RBBP4: variants seen among roughly 807,000 people sequenced by gnomAD.
RBBP4 encodes the protein histone-binding protein RBBP4.
In RBBP4, 3 loss-of-function variants were observed where a neutral mutation model predicts 57.2. The ratio of observed to expected loss-of-function variants is 0.05; its 90% CI spans 0.02 to 0.14. The LOEUF (loss-of-function observed/expected upper bound fraction) is 0.14. Ranked by LOEUF, RBBP4 falls within the 10% of genes least tolerant of loss-of-function variation. The pLI, the probability that RBBP4 is intolerant of heterozygous loss-of-function variation, is 1.00. For missense variants in RBBP4, 107 were observed against 520.6 expected (o/e 0.21, Z 7.73); for synonymous variants, 151 against 171.5 (o/e 0.88, Z 0.93).
At chr1:32,659,290 G>T (rs1648298531) in intron 3 of RBBP4, among the ~76,000 whole-genome samples, 1 of 151,838 alleles carries the variant, frequency 6.6e-6, no homozygotes, top group African/African-American at 2.4e-5. Flanking sequence ...GCCGGGTGCG[G>T]TGAGTCACTC....
chr1:32,677,352 G>A (rs1649144930), intron 11 of RBBP4, among the ~76,000 whole-genome samples: 2 of 151,954 alleles, frequency 1.3e-5, no homozygotes, highest in South Asian at 4.1e-4. Flanking sequence ...CTGGATTGGT[G>A]AACAACTCGA....
At chr1:32,659,234 A>C (rs1019143497) in intron 3 of RBBP4, among the ~76,000 whole-genome samples, 1 of 151,226 alleles carries the variant, frequency 6.6e-6, no homozygotes, top group African/African-American at 2.4e-5. Context: ...TTTTACACAC[A>C]ATGTAAAAAA....
At chr1:32,651,366 G>C (rs1465630991) in intron 1 of RBBP4, 44 bp downstream of exon 1, 9 of 1,410,756 alleles carry the variant, frequency 6.4e-6, no homozygotes, top group Non-Finnish European at 8.3e-6. Context: ...GGGTGCCTGG[G>C]CTGAGCCGCG....
chr1:32,651,273 C>G lies in RBBP4; in HGVS notation c.-34C>G, dbSNP rs1368289792. The stretch of plus-strand genomic sequence containing the variant: ...GCCTCCCCGCCCCTCCCGCAACGCT[C>G]GACCCCAGGATTCCCCCGGCTCGCC... On this transcript the variant is annotated 5_prime_UTR_variant, in exon 1 of 12. Coordinates refer to ENST00000373493, the MANE Select transcript of RBBP4 (RefSeq NM_005610.3). 4.0e-6 allele frequency: 6 copies of G among 1,504,156 alleles called. No individual in the cohort carries two copies. Among genetic ancestry groups the G allele is most frequent in the South Asian group, 2.5e-5 (2 of 80,582 alleles). The allele number at this position is 1,504,156 out of a possible 1,614,324, so 93.2% of individuals were successfully genotyped here.
intron 3 of RBBP4, among the ~76,000 whole-genome samples, chr1:32,659,005 ATAGTT>A (rs1557852626): frequency 1.3e-4 from 19 of 147,646 alleles, no homozygotes; most frequent in Non-Finnish European, 7.4e-5. Flanking sequence ...TGTGTAAAAT[ATAGTT>A]ATATATAATT....
At chr1:32,677,687 C>T (rs183358157) in intron 11 of RBBP4, among the ~76,000 whole-genome samples, 121 of 104,244 alleles carry the variant, frequency 1.2e-3, no homozygotes, top group Non-Finnish European at 2.0e-3. Context: ...AAGCTAACTT[C>T]AGATAGTGTC....
chr1:32,673,388 A>G (rs1648955041), intron 11 of RBBP4: 2 of 381,242 alleles, frequency 5.2e-6, no homozygotes, highest in Non-Finnish European at 1.0e-5. Flanking sequence ...CTAGATTTCA[A>G]AAATGTTCCC....
chr1:32,651,451 G>A (rs992545348), intron 1 of RBBP4, 129 bp downstream of exon 1: 37 of 1,367,064 alleles, frequency 2.7e-5, no homozygotes, highest in Non-Finnish European at 3.2e-5. Flanking sequence ...GGCGTGAAGA[G>A]GGAACTCCCC....
chr1:32,681,075 C>T lies in RBBP4; in HGVS notation c.*1370C>T, dbSNP rs1251858449. 6.5e-6 allele frequency: 1 copy of T among 152,926 alleles called. No individual in the cohort carries two copies. The highest frequency in any genetic ancestry group is 6.5e-5 in the Admixed American group (1 of 15,300). 9.5% of individuals were successfully genotyped at this position (152,926 alleles called of 1,614,324 possible). On this transcript the variant is annotated 3_prime_UTR_variant, in exon 12 of 12. Transcript: ENST00000373493. ...GTTAGAAATAATAGGCTTTGAAGGC[C>T]TCTATCACCAGATGCAATAACCAGA...
At chr1:32,652,508 GTAT>G (rs1190468563) in intron 2 of RBBP4, 12 of 160,814 alleles carry the variant, frequency 7.5e-5, no homozygotes, top group African/African-American at 2.9e-4. Context: ...AAAGAAAAAA[GTAT>G]TACAATGAGT....
chr1:32,676,386 C>T (rs1434294117), intron 11 of RBBP4, among the ~76,000 whole-genome samples: 1 of 152,008 alleles, frequency 6.6e-6, no homozygotes, highest in Non-Finnish European at 1.5e-5. Flanking sequence ...GGGCAGATCA[C>T]CTGAGGTCAG....
chr1:32,681,844 A>G lies in RBBP4; in HGVS notation c.*2139A>G, dbSNP rs770672663. The G allele has an allele frequency of 4.3e-6, 7 of 1,614,038 alleles. No homozygotes were observed. Among genetic ancestry groups the G allele is most frequent in the East Asian group, 4.5e-5 (2 of 44,898 alleles). On this transcript the variant is annotated 3_prime_UTR_variant, in exon 12 of 12. Transcript: ENST00000373493. ...GTTTCCGGGTTACAGATTTGGCCAT[A>G]TATTTCTAAACAGCCCCTGTAAAGT...
chr1:32,657,590 G>T lies in RBBP4; in HGVS notation c.310+18G>T. 1 of 1,611,752 alleles carries T rather than the reference G, an allele frequency of 6.2e-7. No homozygotes were observed. The highest frequency in any genetic ancestry group is 8.5e-7 in the Non-Finnish European group (1 of 1,178,666). On this transcript the variant is annotated intron_variant, in intron 3 of 11. Transcript: ENST00000373493. ...GAAAGGAGGTAGGAATCTTAAAGGTGAAAGAAGTAAAGATGTGTGGGTCAT... is the reference window on the plus strand; with the variant it reads ...GAAAGGAGGTAGGAATCTTAAAGGTTAAAGAAGTAAAGATGTGTGGGTCAT...
At chr1:32,667,771 A>G (rs1648716318) in intron 3 of RBBP4, among the ~76,000 whole-genome samples, 1 of 152,218 alleles carries the variant, frequency 6.6e-6, no homozygotes, top group African/African-American at 2.4e-5. Context: ...CAGATGCTGA[A>G]GTCTCTGATA....
At chr1:32,677,989 A>C (rs1333950309) in intron 11 of RBBP4, among the ~76,000 whole-genome samples, 1 of 152,176 alleles carries the variant, frequency 6.6e-6, no homozygotes, top group African/African-American at 2.4e-5. Context: ...AGTAGAGTTT[A>C]TTCTATACAA....
chr1:32,681,899 C>T lies in RBBP4; in HGVS notation c.*2194C>T, dbSNP rs1371137644. The T allele has an allele frequency of 6.3e-7, 1 of 1,580,506 alleles. No individual in the cohort carries two copies. The highest frequency in any genetic ancestry group is 8.7e-7 in the Non-Finnish European group (1 of 1,149,664). On this transcript the variant is annotated 3_prime_UTR_variant, in exon 12 of 12. Coordinates refer to ENST00000373493, the MANE Select transcript of RBBP4 (RefSeq NM_005610.3). ...AGAAAAAGTTTATAACAGTGAACTT[C>T]TGAGGTTTAGTTACTGCAGGCTTTG... is the stretch of plus-strand genomic sequence containing the variant.
At chr1:32,678,269 C>G (rs532992585) in intron 11 of RBBP4, among the ~76,000 whole-genome samples, 3 of 152,312 alleles carry the variant, frequency 2.0e-5, no homozygotes, top group Admixed American at 6.5e-5. Flanking sequence ...TCTTGCCCCC[C>G]AGGCTGGAGT....
In RBBP4 at chr1:32,681,607, A is replaced by G; in HGVS notation, c.*1902A>G. On this transcript the variant is annotated 3_prime_UTR_variant, in exon 12 of 12. Transcript: ENST00000373493. Reference sequence around the variant, plus strand: ...GGCTCATCTTTCCTTTCCTTGGTGCATTGAGATCAGTATCAACAGCAGATG... The same window carrying G: ...GGCTCATCTTTCCTTTCCTTGGTGCGTTGAGATCAGTATCAACAGCAGATG... 2 of 604,078 alleles carry G rather than the reference A, an allele frequency of 3.3e-6. No individual in the cohort carries two copies. The highest frequency in any genetic ancestry group is 2.8e-5 in the East Asian group (1 of 35,492). 37.4% of individuals were successfully genotyped at this position (604,078 alleles called of 1,614,324 possible).
In RBBP4 at chr1:32,669,899, A is replaced by G. The variant is rs1307840055; in HGVS notation, c.966+336A>G. Among the ~76,000 whole-genome samples, 6 of 148,630 alleles carry G rather than the reference A, an allele frequency of 4.0e-5. No homozygotes were observed. In the South Asian group the frequency reaches 8.6e-4, roughly 21 times the overall value. ...GAACGAGAGTCCGTCTCAAAAAAAA[A>G]GAAAAAAGAAAAACCTGGATGTATG... is the stretch of plus-strand genomic sequence containing the variant. On this transcript the variant is annotated intron_variant, in intron 8 of 11. Transcript: ENST00000373493. The surrounding 1 kb of genome is among the most constrained non-coding windows in gnomAD (Gnocchi z 4.9).
Sources: allele counts gnomAD v4.1 joint callset (sites outside exome capture counted in the v4.1 genomes callset), GRCh38; gene constraint gnomAD v4.1.1; non-coding constraint Gnocchi (gnomAD v3.1); transcripts MANE v1.5; gene names NCBI Gene and HGNC (gene_info 2026-07-23, HGNC 2026-07-21).